Variants in PDE6B observed in about 807,000 individuals in gnomAD.
PDE6B encodes the protein phosphodiesterase 6B.
A neutral mutation model predicts 109.0 loss-of-function variants in PDE6B; 106 were observed. The observed-to-expected ratio is 0.97, with a 90% CI of 0.83 to 1.14. The LOEUF is 1.14. Among genes scored for constraint, PDE6B ranks in the 50% most tolerant of loss-of-function variants. The pLI is 0.00. For synonymous variants in PDE6B, 490 were observed against 471.3 expected (o/e 1.04, Z -0.51); for missense variants, 1,193 against 1,155.6 (o/e 1.03, Z -0.47).
intron 21 of PDE6B, among the ~76,000 whole-genome samples, chr4:669,487 TC>T (rs1346204703): frequency 7.8e-6 from 1 of 128,466 alleles, no homozygotes; most frequent in African/African-American, 3.5e-5. Context: ...GCCATGCTAT[TC>T]CCGCTACCCC....
rs144664551 is a variant in PDE6B, at chr4:660,591, G to A, written c.1592G>A (p.Arg531Gln). 111 of 1,613,756 alleles carry A rather than the reference G, an allele frequency of 6.9e-5. 1 individual carries two copies. Among genetic ancestry groups the A allele is most frequent in the Non-Finnish European group, 8.6e-5 (101 of 1,179,960 alleles). The change falls in exon 12 of 22, where the codon CGA becomes CAA. Residue 531 changes from arginine (R) to glutamine (Q), a missense_variant. Physicochemically the swap from Arg to Gln is conservative, Grantham distance 43. Coordinates refer to ENST00000496514, the MANE Select transcript of PDE6B (RefSeq NM_000283.4). ...ATGTACTACGAGCTGGGCGTGGTCC[G>A]AAAGTTCCAGATCCCCCAGGAGGTG... ...IQMYYELGVV[R>Q]KFQIPQEVLV... is the part of the protein sequence containing the mutation.
intron 1 of PDE6B, among the ~76,000 whole-genome samples, chr4:630,861 G>A (rs563638165): frequency 5.2e-4 from 79 of 152,372 alleles, no homozygotes; most frequent in Non-Finnish European, 8.4e-4. Flanking sequence ...TCAGTGCTGG[G>A]ACCAAGGGTG....
At chr4:656,214 G>C in intron 7 of PDE6B, 31 bp from the exon 8 acceptor site, 1 of 1,513,600 alleles carries the variant, frequency 6.6e-7, no homozygotes, top group Non-Finnish European at 9.2e-7. Context: ...CCGCTGTTTT[G>C]GATGAAATCG....
At chr4:664,337 G>C (rs1708068518) in intron 17 of PDE6B, 116 bp downstream of exon 17, 1 of 726,576 alleles carries the variant, frequency 1.4e-6, no homozygotes, top group East Asian at 2.6e-5. Flanking sequence ...AGAGCCCGTC[G>C]CGGCAGCTTG....
Position 634,674 on chromosome 4 carries a change from C to A in PDE6B, c.469-3C>A. Reference sequence around the variant, plus strand: ...CTTTAGCCTCTTTCCTCTCTTGCGGCAGTGCCCTCACTTCAGCTCATTTGC... The same window carrying A: ...CTTTAGCCTCTTTCCTCTCTTGCGGAAGTGCCCTCACTTCAGCTCATTTGC... On this transcript the variant is annotated splice_polypyrimidine_tract_variant and splice_region_variant and intron_variant, in intron 1 of 21. Coordinates refer to ENST00000496514, the MANE Select transcript of PDE6B (RefSeq NM_000283.4). The A allele has an allele frequency of 1.9e-6, 3 of 1,611,434 alleles. No individual in the cohort carries two copies. Among genetic ancestry groups the A allele is most frequent in the Non-Finnish European group, 2.5e-6 (3 of 1,177,534 alleles).
At chr4:638,692 A>G (rs1734806798) in intron 3 of PDE6B, among the ~76,000 whole-genome samples, 1 of 152,224 alleles carries the variant, frequency 6.6e-6, no homozygotes, top group Admixed American at 6.5e-5. Context: ...TTCTTGCTAA[A>G]TTGGGGTCCC....
At chr4:667,832 T>C (rs1737971126) in intron 20 of PDE6B, 24 bp from the exon 21 acceptor site, 1 of 1,610,566 alleles carries the variant, frequency 6.2e-7, no homozygotes, top group East Asian at 2.2e-5. Context: ...ACAGGACTGG[T>C]GGTGACTTCT....
At chr4:653,529 C>T (rs531341180) in intron 3 of PDE6B, 4 of 483,660 alleles carry the variant, frequency 8.3e-6, no homozygotes, top group Admixed American at 3.4e-5. Context: ...CTGGAGCAGC[C>T]GGGCGGAGGA....
chr4:658,084 TCA>T (rs1736571645), intron 10 of PDE6B, among the ~76,000 whole-genome samples: 2 of 89,876 alleles, frequency 2.2e-5, no homozygotes, highest in Non-Finnish European at 4.2e-5. Flanking sequence ...CATCCAGGGG[TCA>T]CCCAGAGGTC....
chr4:629,476 C>T (rs1247791346), intron 1 of PDE6B, among the ~76,000 whole-genome samples: 11 of 152,232 alleles, frequency 7.2e-5, no homozygotes, highest in Admixed American at 5.2e-4. Flanking sequence ...CCACGGACCC[C>T]GCAGTGCTGT....
At position 663,669 on chromosome 4, in the gene PDE6B, G is replaced by T; in HGVS notation, c.1921-101G>T. The T allele has an allele frequency of 1.2e-6, 1 of 827,398 alleles. No individual in the cohort carries two copies. The highest frequency in any genetic ancestry group is 2.1e-6 in the Non-Finnish European group (1 of 482,478). The allele number at this position is 827,398 out of a possible 1,614,324, so 51.3% of individuals were successfully genotyped here. A position where few individuals can be genotyped will look rare whatever the true frequency, so the allele number is the denominator to read the frequency against. ...CGCCCACCGAGGGCCCGAGGGCGGG[G>T]GCGTGAGAGGCACAGGCAGCCGAGG... On this transcript the variant is annotated intron_variant, in intron 15 of 21. Transcript: ENST00000496514. The surrounding 1 kb of genome is among the most constrained non-coding windows in gnomAD (Gnocchi z 4.0).
intron 1 of PDE6B, among the ~76,000 whole-genome samples, chr4:634,088 G>A (rs1389431483): frequency 1.3e-5 from 2 of 152,048 alleles, no homozygotes; most frequent in Non-Finnish European, 2.9e-5. Context: ...ACCCCTGGGA[G>A]TGTGTGCCTG....
intron 11 of PDE6B, among the ~76,000 whole-genome samples, chr4:659,573 G>GTA (rs1736789723): frequency 2.7e-5 from 4 of 150,394 alleles, no homozygotes; most frequent in Non-Finnish European, 4.4e-5. Context: ...GCACATGTGG[G>GTA]TGTGTGTGTG....
Position 653,654 on chromosome 4 carries a change from G to A in PDE6B, c.712-198G>A. On this transcript the variant is annotated intron_variant, in intron 3 of 21. Coordinates refer to ENST00000496514, the MANE Select transcript of PDE6B (RefSeq NM_000283.4). ...AGCCTCGAGGCCTCACCGCCAGCCA[G>A]CTCCCGGGCCCCACAAGCTCAGATG... 3.0e-6 allele frequency: 2 copies of A among 665,490 alleles called. 1 individual carries two copies. Among genetic ancestry groups the A allele is most frequent in the Middle Eastern group, 8.2e-4 (2 of 2,450 alleles). The allele number at this position is 665,490 out of a possible 1,614,324, so 41.2% of individuals were successfully genotyped here.
chr4:635,025 G>C (rs1319720895), intron 2 of PDE6B, among the ~76,000 whole-genome samples, 196 bp downstream of exon 2: 1 of 90,736 alleles, frequency 1.1e-5, no homozygotes, highest in Admixed American at 1.1e-4. Flanking sequence ...GCCTGCCCGC[G>C]TGTTCTGTGC....
rs780054138 is a variant in PDE6B at position 654,127 on chromosome 4, C to T, written c.900C>T (p.Tyr300=). 35 of 1,613,740 alleles carry T rather than the reference C, an allele frequency of 2.2e-5. No homozygotes were observed. The highest frequency in any genetic ancestry group is 5.5e-5 in the South Asian group (5 of 91,090). ...TGCTGATGGGAGAGTCCCAGCCGTA[C>T]TCGGGCCCACGCACGCCTGATGGCC... ...WSVLMGESQP[Y]SGPRTPDGRE... Residue 300 remains tyrosine (Y), a synonymous_variant, in exon 5 of 22, where the codon TAC becomes TAT. Coordinates refer to ENST00000496514, the MANE Select transcript of PDE6B (RefSeq NM_000283.4).
chr4:625,784 T>G lies in PDE6B; in HGVS notation c.158T>G (p.Val53Gly), dbSNP rs746580719. ...DCDSLRDLCQVEESTALLELV... is the reference protein window; with the variant it reads ...DCDSLRDLCQGEESTALLELV... ...GACAGCCTCCGGGACCTCTGCCAGG[T>G]GGAGGAGAGCACGGCGCTGCTGGAG... The change falls in exon 1 of 22, where the codon GTG becomes GGG. Residue 53 changes from valine (V) to glycine (G), a missense_variant. Physicochemically the swap from Val to Gly is moderately radical, Grantham distance 109. Transcript: ENST00000496514. This position sits in a 1 kb window ranked among gnomAD's most constrained non-coding sequence, Gnocchi z 5.0. 1 of 1,613,348 alleles carries G rather than the reference T, an allele frequency of 6.2e-7. No homozygotes were observed. Among genetic ancestry groups the G allele is most frequent in the Admixed American group, 1.7e-5 (1 of 60,016 alleles).
rs973628685 is a variant in PDE6B, at chr4:663,672, G to A, written c.1921-98G>A. 1.2e-5 allele frequency: 10 copies of A among 858,488 alleles called. No individual in the cohort carries two copies. The African/African-American group carries it at 1.5e-4, about 13-fold the overall frequency. 53.2% of individuals were successfully genotyped at this position (858,488 alleles called of 1,614,324 possible). ...CCACCGAGGGCCCGAGGGCGGGGGC[G>A]TGAGAGGCACAGGCAGCCGAGGCGG... On this transcript the variant is annotated intron_variant, in intron 15 of 21. Coordinates refer to ENST00000496514, the MANE Select transcript of PDE6B (RefSeq NM_000283.4). The surrounding 1 kb of genome is among the most constrained non-coding windows in gnomAD (Gnocchi z 4.0).
rs1432702705 is a variant in PDE6B, at chr4:665,039, T to C, written c.2193+95T>C. ...AGCCTCGGATGGCAACGGACCATTG[T>C]TTGCAAGGAGCTCTGAGGGCCACCT... On this transcript the variant is annotated intron_variant, in intron 18 of 21. Coordinates refer to ENST00000496514, the MANE Select transcript of PDE6B (RefSeq NM_000283.4). This position sits in a 1 kb window ranked among gnomAD's most constrained non-coding sequence, Gnocchi z 4.0. The C allele has an allele frequency of 1.9e-6, 2 of 1,070,304 alleles. No individual in the cohort carries two copies. The highest frequency in any genetic ancestry group is 4.8e-5 in the East Asian group (2 of 41,282). The allele number at this position is 1,070,304 out of a possible 1,614,324, so 66.3% of individuals were successfully genotyped here.
Sources: allele counts gnomAD v4.1 joint callset (sites outside exome capture counted in the v4.1 genomes callset), GRCh38; gene constraint gnomAD v4.1.1; non-coding constraint Gnocchi (gnomAD v3.1); transcripts MANE v1.5; gene names NCBI Gene and HGNC (gene_info 2026-07-23, HGNC 2026-07-21).